Variants in STOM observed in about 807,000 individuals in gnomAD.
STOM encodes stomatin.
STOM carries 25 observed loss-of-function variants against 30.6 expected under a neutral mutation model. The ratio of observed to expected loss-of-function variants is 0.82; its 90% CI spans 0.60 to 1.14. STOM has a LOEUF of 1.14. STOM is among the 50% of genes most tolerant of loss of function. The pLI is 0.00. For missense variants in STOM, 292 were observed against 365.2 expected, an observed-to-expected ratio of 0.80 and a Z score of 1.63; for synonymous variants, 118 against 130.8, an observed-to-expected ratio of 0.90 and a Z score of 0.67.
At chr9:121,345,166 A>C (rs1459623723) in intron 6 of STOM, among the ~76,000 whole-genome samples, 3 of 152,182 alleles carry the variant, frequency 2.0e-5, no homozygotes, top group African/African-American at 7.2e-5. Context: ...ATATGAGTGC[A>C]TTTCTGTTAG....
At chr9:121,355,343 G>A (rs1196980334) in intron 2 of STOM, among the ~76,000 whole-genome samples, 4 of 149,326 alleles carry the variant, frequency 2.7e-5, no homozygotes, top group Non-Finnish European at 5.9e-5. Flanking sequence ...AGCCGAGATC[G>A]CGCCACTGCA....
chr9:121,348,182 C>T (rs1169980637), intron 5 of STOM, 33 bp from the exon 6 acceptor site: 1 of 1,613,598 alleles, frequency 6.2e-7, no homozygotes, highest in East Asian at 2.2e-5. Flanking sequence ...GCTAAATCTC[C>T]TCAGCCCAGC....
intron 1 of STOM, among the ~76,000 whole-genome samples, chr9:121,367,609 T>C (rs913344458): frequency 2.6e-5 from 4 of 152,266 alleles, no homozygotes; most frequent in Admixed American, 1.3e-4. Flanking sequence ...ACTTGCATTA[T>C]TTCATTACAA....
chr9:121,345,933 T>G (rs2064285581), intron 6 of STOM, among the ~76,000 whole-genome samples: 1 of 152,158 alleles, frequency 6.6e-6, no homozygotes, highest in African/African-American at 2.4e-5. Flanking sequence ...TTCCTTTGAA[T>G]AGTGGGATGG....
At chr9:121,344,750 T>G (rs2064275231) in intron 6 of STOM, among the ~76,000 whole-genome samples, 1 of 152,194 alleles carries the variant, frequency 6.6e-6, no homozygotes, top group Non-Finnish European at 1.5e-5. Context: ...AGAAAGGTGA[T>G]CTGTATTTCT....
rs1183648704 is a variant in STOM at position 121,339,158 on chromosome 9, T to C, written c.*2044A>G. ...AGAAACTTCTGCACTGGCACTGTGTTCCTAGAGCTCCTTCTATGCGTCCCT... is the reference window on the plus strand; with the variant it reads ...AGAAACTTCTGCACTGGCACTGTGTCCCTAGAGCTCCTTCTATGCGTCCCT... On this transcript the variant is annotated 3_prime_UTR_variant, in exon 7 of 7. Coordinates refer to ENST00000286713, the MANE Select transcript of STOM (RefSeq NM_004099.6). 1 of 152,522 alleles carries C rather than the reference T, an allele frequency of 6.6e-6. No individual in the cohort carries two copies. Among genetic ancestry groups the C allele is most frequent in the African/African-American group, 2.4e-5 (1 of 41,482 alleles). 9.4% of individuals were successfully genotyped at this position (152,522 alleles called of 1,614,324 possible).
intron 1 of STOM, among the ~76,000 whole-genome samples, chr9:121,362,220 T>C (rs528220479): frequency 3.9e-5 from 6 of 152,326 alleles, no homozygotes; most frequent in Admixed American, 3.9e-4. Flanking sequence ...CAAAAGTTAC[T>C]ATAAAAATTA....
chr9:121,347,210 G>A (rs1674959556), intron 6 of STOM, among the ~76,000 whole-genome samples: 2 of 152,226 alleles, frequency 1.3e-5, no homozygotes, highest in Admixed American at 6.5e-5. Flanking sequence ...GCACAGGAAA[G>A]GGAATGACTA....
chr9:121,357,152 A>G (rs78261284), intron 1 of STOM, among the ~76,000 whole-genome samples: 2,110 of 152,096 alleles, frequency 0.014, 46 homozygotes, highest in African/African-American at 0.046. Context: ...ATGCAGCATC[A>G]TTTATTGCCC....
At chr9:121,349,438 C>A in intron 4 of STOM, 115 bp from the exon 5 acceptor site, 1 of 772,308 alleles carries the variant, frequency 1.3e-6, no homozygotes, top group Non-Finnish European at 2.1e-6. Flanking sequence ...TTTAGTAAGG[C>A]ATCAGAAAGT....
intron 1 of STOM, chr9:121,366,256 C>T (rs1007554847): frequency 2.0e-6 from 2 of 985,186 alleles, no homozygotes; most frequent in Non-Finnish European, 2.4e-6. Flanking sequence ...CTTTAGTAGT[C>T]CCAGCAGACA....
intron 6 of STOM, among the ~76,000 whole-genome samples, chr9:121,341,803 T>A (rs1223025486): frequency 6.6e-6 from 1 of 152,188 alleles, no homozygotes; most frequent in Non-Finnish European, 1.5e-5. Context: ...GACAGGTCAT[T>A]ATAAATATTT....
chr9:121,360,629 T>C (rs2064442312), intron 1 of STOM, among the ~76,000 whole-genome samples: 1 of 152,232 alleles, frequency 6.6e-6, no homozygotes, highest in Non-Finnish European at 1.5e-5. Context: ...AAAATAGCAT[T>C]TACCCTTTTT....
At chr9:121,349,410 T>A (rs763386377) in intron 4 of STOM, 87 bp from the exon 5 acceptor site, 6 of 1,141,724 alleles carry the variant, frequency 5.3e-6, no homozygotes, top group Non-Finnish European at 7.7e-6. Context: ...GAATATCTTA[T>A]AACACTAGCT....
intron 6 of STOM, among the ~76,000 whole-genome samples, chr9:121,342,525 T>C (rs2064255824): frequency 6.6e-6 from 1 of 152,138 alleles, no homozygotes; most frequent in Non-Finnish European, 1.5e-5. Context: ...AAATGTATGT[T>C]AGGAAAAGAA....
At chr9:121,345,795 T>C (rs2064284265) in intron 6 of STOM, among the ~76,000 whole-genome samples, 1 of 152,104 alleles carries the variant, frequency 6.6e-6, no homozygotes. Flanking sequence ...TGGAAGAGGC[T>C]CATAGCCCAT....
In STOM at chr9:121,340,613, G is replaced by C; in HGVS notation, c.*589C>G. The C allele has an allele frequency of 1.8e-6, 1 of 567,638 alleles. No individual in the cohort carries two copies. Among genetic ancestry groups the C allele is most frequent in the Non-Finnish European group, 2.2e-6 (1 of 448,520 alleles). 35.2% of individuals were successfully genotyped at this position (567,638 alleles called of 1,614,324 possible). A position where few individuals can be genotyped will look rare whatever the true frequency, so the allele number is the denominator to read the frequency against. The stretch of plus-strand genomic sequence containing the variant: ...AATAATACAAAAATTAGCTGGGCAT[G>C]GTGGCATGAGCCTGTAATCCCAGCT... On this transcript the variant is annotated 3_prime_UTR_variant, in exon 7 of 7. Transcript: ENST00000286713.
chr9:121,348,276 G>A (rs2064307542), intron 5 of STOM, 127 bp from the exon 6 acceptor site: 16 of 1,335,828 alleles, frequency 1.2e-5, no homozygotes, highest in South Asian at 1.1e-4. Context: ...GTTACCCCAC[G>A]GTGGAACGAA....
chr9:121,369,483 T>G (rs553270349), intron 1 of STOM, among the ~76,000 whole-genome samples: 39 of 135,908 alleles, frequency 2.9e-4, no homozygotes, highest in South Asian at 4.8e-4. Flanking sequence ...AGGGTGGGGG[T>G]GAGGGTGGGA....
Sources: gnomAD v4.1 joint callset for allele counts (sites outside exome capture counted in the v4.1 genomes callset) on GRCh38, gnomAD v4.1.1 for gene constraint, MANE v1.5 for transcripts, NCBI Gene and HGNC (gene_info 2026-07-23, HGNC 2026-07-21) for gene names.